The following NRDC variants were observed in gnomAD, a reference collection of about 807,000 sequenced individuals.
NRDC encodes the protein nardilysin convertase.
A neutral mutation model predicts 147.1 loss-of-function variants in NRDC; 54 were observed. The observed-to-expected ratio is 0.37, with a 90% CI of 0.29 to 0.46. The LOEUF is 0.46. Among genes scored for constraint, NRDC ranks in the 20% least tolerant of loss-of-function variants. NRDC has a pLI of 1.00. For missense variants in NRDC, 1,082 were observed against 1,370.6 expected, an observed-to-expected ratio of 0.79 and a Z score of 3.33; for synonymous variants, 440 against 482.1, an observed-to-expected ratio of 0.91 and a Z score of 1.14.
At chr1:51,813,001 T>A (rs1387342280) in intron 14 of NRDC, among the ~76,000 whole-genome samples, 8 of 148,496 alleles carry the variant, frequency 5.4e-5, no homozygotes, top group Non-Finnish European at 1.2e-4. Flanking sequence ...ATGTGTTGAC[T>A]GGGCATGGTG....
At chr1:51,872,743 T>C (rs1683140567) in intron 1 of NRDC, among the ~76,000 whole-genome samples, 1 of 152,284 alleles carries the variant, frequency 6.6e-6, no homozygotes, top group South Asian at 2.1e-4. Flanking sequence ...GTCTAAGGAA[T>C]AGTAAGAGAC....
At chr1:51,812,768 C>T (rs1484727111) in intron 14 of NRDC, among the ~76,000 whole-genome samples, 1 of 152,102 alleles carries the variant, frequency 6.6e-6, no homozygotes, top group Non-Finnish European at 1.5e-5. Context: ...CGTCTAAACA[C>T]TATTTGTAAG....
chr1:51,790,408 A>C, intron 29 of NRDC, 125 bp downstream of exon 29: 1 of 706,606 alleles, frequency 1.4e-6, no homozygotes, highest in Non-Finnish European at 2.5e-6. Context: ...GTGAGCGAGT[A>C]ATCAGGCCAG....
chr1:51,803,213 G>T (rs954936538), intron 20 of NRDC, among the ~76,000 whole-genome samples: 1 of 152,104 alleles, frequency 6.6e-6, no homozygotes, highest in Non-Finnish European at 1.5e-5. Flanking sequence ...GGTGGCTCAC[G>T]CCTATAATCC....
intron 4 of NRDC, among the ~76,000 whole-genome samples, 167 bp from the exon 5 acceptor site, chr1:51,828,036 A>C (rs1422683177): frequency 1.3e-5 from 2 of 152,258 alleles, no homozygotes; most frequent in Non-Finnish European, 2.9e-5. Flanking sequence ...TCTACATGTT[A>C]CTTTAACTTT....
chr1:51,792,007 G>A (rs564356422), intron 26 of NRDC, 39 bp downstream of exon 26: 1 of 1,608,206 alleles, frequency 6.2e-7, no homozygotes, highest in East Asian at 2.2e-5. Context: ...TAAGCCCTAG[G>A]CCCTTATTTG....
chr1:51,864,374 T>TA (rs1321098246), intron 1 of NRDC, among the ~76,000 whole-genome samples: 3 of 152,206 alleles, frequency 2.0e-5, no homozygotes, highest in Admixed American at 6.5e-5. Context: ...GTTATCCCAA[T>TA]AAAAACAATT....
At chr1:51,798,554 A>G (rs74769873) in intron 21 of NRDC, 143 bp from the exon 22 acceptor site, 58,290 of 661,544 alleles carry the variant, frequency 0.088, 3,010 homozygotes, top group Middle Eastern at 0.18. Context: ...ATGGGAAAAC[A>G]GTATCAGATT....
chr1:51,815,254 G>A (rs970578979), intron 11 of NRDC, among the ~76,000 whole-genome samples: 1 of 149,908 alleles, frequency 6.7e-6, no homozygotes, highest in Non-Finnish European at 1.5e-5. Context: ...GAACTCCTGG[G>A]CTCAAGCAAT....
At chr1:51,860,950 TC>T (rs1682500462) in intron 1 of NRDC, among the ~76,000 whole-genome samples, 1 of 150,376 alleles carries the variant, frequency 6.6e-6, no homozygotes, top group African/African-American at 2.5e-5. Context: ...TGGTATTACT[TC>T]TTTTTTTTTT....
chr1:51,796,267 C>G (rs368694085), intron 22 of NRDC, among the ~76,000 whole-genome samples: 49 of 151,662 alleles, frequency 3.2e-4, no homozygotes, highest in African/African-American at 1.2e-3. Flanking sequence ...GAGACAGACT[C>G]TCACTCTGTC....
chr1:51,813,213 T>TG (rs1376624745), intron 14 of NRDC, among the ~76,000 whole-genome samples: 1 of 152,186 alleles, frequency 6.6e-6, no homozygotes, highest in East Asian at 1.9e-4. Flanking sequence ...ACTGAAAGAA[T>TG]GACCACTTGT....
At position 51,840,355 on chromosome 1, in the gene NRDC, G is replaced by A. The variant is rs114314660; in HGVS notation, c.501C>T (p.Asp167=). The change falls in exon 2 of 31, where the codon GAC becomes GAT. Residue 167 remains aspartate (D), a synonymous_variant. Transcript: ENST00000352171. ...CTTCATCATCAAAACCCTCTTCATC[G>A]TCATCTTCTATTTCAGCTCCAGAAT... The part of the protein sequence containing the change: ...DEDSGAEIED[D]DEEGFDDEDE... The A allele has an allele frequency of 0.04, 61,767 of 1,527,396 alleles. 1,486 individuals are homozygous for A. The highest frequency in any genetic ancestry group is 0.048 in the Non-Finnish European group (53,044 of 1,102,088). 94.6% of individuals were successfully genotyped at this position (1,527,396 alleles called of 1,614,324 possible).
intron 20 of NRDC, 44 bp from the exon 21 acceptor site, chr1:51,800,727 A>G (rs754842423): frequency 1.2e-6 from 2 of 1,600,830 alleles, no homozygotes; most frequent in Non-Finnish European, 1.7e-6. Flanking sequence ...ATGGAAATCC[A>G]CTAGGTATTA....
At chr1:51,874,130 A>C (rs904152947) in intron 1 of NRDC, among the ~76,000 whole-genome samples, 1 of 148,312 alleles carries the variant, frequency 6.7e-6, no homozygotes, top group African/African-American at 2.5e-5. Context: ...CTGTCTCAAA[A>C]TTTTTTTTAA....
rs566557116 is a variant in NRDC, at chr1:51,803,986, T to A, written c.2163-22A>T. On this transcript the variant is annotated intron_variant, in intron 19 of 30. Transcript: ENST00000352171. ...CACACTAAGAAGTACAAAATGCAAA[T>A]GGCATCTTTAATTGGTAAGAAAGAC... 8.4e-6 allele frequency: 13 copies of A among 1,549,598 alleles called. No individual in the cohort carries two copies. In the South Asian group the frequency reaches 1.5e-4, roughly 17 times the overall value.
intron 1 of NRDC, chr1:51,877,986 T>C: frequency 7.9e-7 from 1 of 1,270,406 alleles, no homozygotes; most frequent in Non-Finnish European, 1.0e-6. Flanking sequence ...CCCTCACCAT[T>C]CAGGCTGCGT....
chr1:51,864,749 C>T (rs917221060), intron 1 of NRDC, among the ~76,000 whole-genome samples: 10 of 151,824 alleles, frequency 6.6e-5, no homozygotes, highest in Admixed American at 5.3e-4. Flanking sequence ...GCCAGGACTT[C>T]GAGACCAGCC....
intron 1 of NRDC, among the ~76,000 whole-genome samples, chr1:51,844,361 C>A (rs1488317872): frequency 2.6e-5 from 4 of 152,044 alleles, no homozygotes; most frequent in African/African-American, 4.8e-5. Flanking sequence ...TGAATCCAAT[C>A]TGAATGGTAT....
Sources: gnomAD v4.1 joint callset for allele counts (sites outside exome capture counted in the v4.1 genomes callset) on GRCh38, gnomAD v4.1.1 for gene constraint, MANE v1.5 for transcripts, NCBI Gene and HGNC (gene_info 2026-07-23, HGNC 2026-07-21) for gene names.